BTBD9: variants seen among roughly 807,000 people sequenced by gnomAD.
The protein encoded by BTBD9 is BTB/POZ domain-containing protein 9.
In BTBD9, 49 loss-of-function variants were observed where a neutral mutation model predicts 64.3. The observed-to-expected ratio is 0.76, with a 90% confidence interval of 0.61 to 0.97. BTBD9 has a LOEUF of 0.97. Among genes scored for constraint, BTBD9 ranks in the 50% least tolerant of loss-of-function variants. The pLI, the probability that BTBD9 is intolerant of heterozygous loss-of-function variation, is 0.00. For missense variants in BTBD9, 598 were observed against 762.1 expected (o/e 0.78, Z 2.53); for synonymous variants, 260 against 274.7 (o/e 0.95, Z 0.53).
intron 10 of BTBD9, among the ~76,000 whole-genome samples, chr6:38,191,926 G>A (rs1157192574): frequency 6.6e-6 from 1 of 152,232 alleles, no homozygotes; most frequent in Non-Finnish European, 1.5e-5. Flanking sequence ...GGTCCCATGC[G>A]ACTGTCCTGG....
rs538279716 is a variant in BTBD9, at chr6:38,453,588, T to A, written c.1155-108495A>T. ...ATCACTTTTAAATGACAAGTTTTTT[T>A]AAAATGCTATGATATAGTTGAGGGT... is the stretch of plus-strand genomic sequence containing the variant. On this transcript the variant is annotated intron_variant, in intron 6 of 10. Coordinates refer to ENST00000481247, the MANE Select transcript of BTBD9 (RefSeq NM_001099272.2). 7.9e-5 allele frequency among the ~76,000 whole-genome samples: 12 copies of A among 152,292 alleles called. No individual in the cohort carries two copies. In the South Asian group the frequency reaches 2.1e-3, roughly 26 times the overall value.
At chr6:38,563,829 C>T (rs942669381) in intron 6 of BTBD9, among the ~76,000 whole-genome samples, 22 of 148,672 alleles carry the variant, frequency 1.5e-4, no homozygotes, top group African/African-American at 3.7e-4. Context: ...TTGCCCAGGC[C>T]GGAGTGCAGT....
chr6:38,358,138 C>T lies in BTBD9; in HGVS notation c.1155-13045G>A, dbSNP rs181619205. Among the ~76,000 whole-genome samples, 162 of 152,208 alleles carry T rather than the reference C, an allele frequency of 1.1e-3. 1 individual carries two copies. The highest frequency in any genetic ancestry group is 3.4e-3 in the Middle Eastern group (1 of 294). On this transcript the variant is annotated intron_variant, in intron 6 of 10. Coordinates refer to ENST00000481247, the MANE Select transcript of BTBD9 (RefSeq NM_001099272.2). ...AGCTGCACAGACAGCACTGGCTGCTCTGTTTATCTTGATAACTGTGGAAAA... is the reference window on the plus strand; with the variant it reads ...AGCTGCACAGACAGCACTGGCTGCTTTGTTTATCTTGATAACTGTGGAAAA...
At chr6:38,326,135 T>C (rs1763418566) in intron 7 of BTBD9, among the ~76,000 whole-genome samples, 1 of 152,018 alleles carries the variant, frequency 6.6e-6, no homozygotes, top group East Asian at 1.9e-4. Flanking sequence ...TAACAGAAGG[T>C]CATCTTAAAT....
chr6:38,260,196 C>T (rs927352499), intron 8 of BTBD9, among the ~76,000 whole-genome samples: 1 of 152,080 alleles, frequency 6.6e-6, no homozygotes, highest in Non-Finnish European at 1.5e-5. Flanking sequence ...GGCATATGTT[C>T]CATATATGTT....
intron 6 of BTBD9, among the ~76,000 whole-genome samples, chr6:38,416,484 G>A (rs1006035269): frequency 3.3e-4 from 48 of 146,316 alleles, no homozygotes; most frequent in African/African-American, 7.1e-4. Flanking sequence ...ACAGGTGCCC[G>A]CCACCATGCC....
chr6:38,329,511 C>T (rs1333048825), intron 7 of BTBD9, among the ~76,000 whole-genome samples: 2 of 151,632 alleles, frequency 1.3e-5, no homozygotes, highest in Non-Finnish European at 2.9e-5. Flanking sequence ...TTGGTAGAGG[C>T]GGAATTTTGC....
At chr6:38,562,044 T>C (rs1775287743) in intron 6 of BTBD9, among the ~76,000 whole-genome samples, 1 of 152,186 alleles carries the variant, frequency 6.6e-6, no homozygotes, top group Non-Finnish European at 1.5e-5. Flanking sequence ...AACAAGATAT[T>C]AACAAATTGT....
chr6:38,211,435 GAA>G (rs11451936), intron 9 of BTBD9, among the ~76,000 whole-genome samples: 15 of 134,676 alleles, frequency 1.1e-4, no homozygotes, highest in African/African-American at 2.8e-4. Context: ...TCTCACAAAA[GAA>G]AAAAAAAAAA....
intron 8 of BTBD9, among the ~76,000 whole-genome samples, chr6:38,265,852 C>G (rs889948518): frequency 7.9e-5 from 12 of 152,114 alleles, no homozygotes; most frequent in African/African-American, 2.9e-4. Flanking sequence ...TAACTAAGAC[C>G]ATCTTTTCAC....
chr6:38,371,515 A>C (rs1459254916), intron 6 of BTBD9, among the ~76,000 whole-genome samples: 2 of 152,160 alleles, frequency 1.3e-5, no homozygotes, highest in Admixed American at 6.5e-5. Context: ...GGTGTTTGCG[A>C]GACACAGCCC....
intron 8 of BTBD9, among the ~76,000 whole-genome samples, chr6:38,264,451 C>G (rs914919895): frequency 3.3e-5 from 5 of 152,188 alleles, no homozygotes; most frequent in African/African-American, 1.2e-4. Context: ...AACTTCAGCA[C>G]TTTCACCTAA....
chr6:38,417,802 A>AGAGAGAGAG (rs55963730), intron 6 of BTBD9, among the ~76,000 whole-genome samples: 1 of 102,434 alleles, frequency 9.8e-6, no homozygotes, highest in Admixed American at 9.3e-5. Flanking sequence ...GAGAGAGAGA[A>AGAGAGAGAG]AAAAAATATT....
At chr6:38,583,525 C>A (rs964006980) in intron 4 of BTBD9, among the ~76,000 whole-genome samples, 1 of 152,018 alleles carries the variant, frequency 6.6e-6, no homozygotes. Context: ...AAAAACTAGG[C>A]CAAAGACGGG....
rs898312373 is a variant in BTBD9 at position 38,413,191 on chromosome 6, T to C, written c.1155-68098A>G. Among the ~76,000 whole-genome samples, 6 of 152,280 alleles carry C rather than the reference T, an allele frequency of 3.9e-5. No homozygotes were observed. In the East Asian group the frequency reaches 9.7e-4, roughly 25 times the overall value. On this transcript the variant is annotated intron_variant, in intron 6 of 10. Coordinates refer to ENST00000481247, the MANE Select transcript of BTBD9 (RefSeq NM_001099272.2). The stretch of plus-strand genomic sequence containing the variant: ...ACATCCCTCTTTTAAAAAGTATTCT[T>C]TCCCAAACTTAGACTCCTCTTCAGT...
chr6:38,331,147 C>T (rs1357976005), intron 7 of BTBD9, among the ~76,000 whole-genome samples: 1 of 152,148 alleles, frequency 6.6e-6, no homozygotes, highest in African/African-American at 2.4e-5. Context: ...ATATAAAAGG[C>T]AAGGAATAAA....
intron 6 of BTBD9, among the ~76,000 whole-genome samples, chr6:38,499,823 T>C (rs143268280): frequency 7.2e-5 from 11 of 152,354 alleles, no homozygotes; most frequent in Non-Finnish European, 1.3e-4. Flanking sequence ...GTAAATACGA[T>C]ATTCTGTTGA....
At chr6:38,336,254 T>TC (rs1368397527) in intron 7 of BTBD9, among the ~76,000 whole-genome samples, 10 of 152,158 alleles carry the variant, frequency 6.6e-5, no homozygotes, top group Non-Finnish European at 1.5e-4. Flanking sequence ...GACCATTTTG[T>TC]GTGAATCTCT....
At chr6:38,177,951 G>A (rs1007301286) in intron 10 of BTBD9, among the ~76,000 whole-genome samples, 12 of 152,220 alleles carry the variant, frequency 7.9e-5, no homozygotes, top group African/African-American at 2.9e-4. Context: ...GCTCACGGCA[G>A]GCCCTGCCAT....
Sources: gnomAD v4.1 joint callset for allele counts (sites outside exome capture counted in the v4.1 genomes callset) on GRCh38, gnomAD v4.1.1 for gene constraint, MANE v1.5 for transcripts, NCBI Gene and HGNC (gene_info 2026-07-23, HGNC 2026-07-21) for gene names.